The following GRIK2 variants were observed in gnomAD, a reference collection of about 807,000 sequenced individuals.
The protein encoded by GRIK2 is glutamate ionotropic receptor kainate type subunit 2.
In GRIK2, 32 loss-of-function variants were observed where a neutral mutation model predicts 100.3. The ratio of observed to expected loss-of-function variants is 0.32; its 90% CI spans 0.24 to 0.43. The LOEUF (loss-of-function observed/expected upper bound fraction) is 0.43. Ranked by LOEUF, GRIK2 falls within the 20% of genes least tolerant of loss-of-function variation. GRIK2 has a pLI of 1.00. For missense variants in GRIK2, 843 were observed against 1,114.9 expected, an observed-to-expected ratio of 0.76 and a Z score of 3.47; for synonymous variants, 417 against 389.4, an observed-to-expected ratio of 1.07 and a Z score of -0.83.
At chr6:101,703,435 T>A (rs2852569) in intron 7 of GRIK2, among the ~76,000 whole-genome samples, 136,790 of 151,760 alleles carry the variant, frequency 0.9, 61,695 homozygotes, top group South Asian at 0.93. Flanking sequence ...CTGCTTAATT[T>A]TGGTAAGCTT....
chr6:101,667,057 GA>G (rs1770084913), intron 4 of GRIK2, among the ~76,000 whole-genome samples: 1 of 152,154 alleles, frequency 6.6e-6, no homozygotes. Context: ...TTGTTCAGGA[GA>G]GAGTTAATGA....
chr6:101,764,503 G>C (rs1777924577), intron 7 of GRIK2, among the ~76,000 whole-genome samples: 1 of 152,110 alleles, frequency 6.6e-6, no homozygotes, highest in Non-Finnish European at 1.5e-5. Context: ...AGCAAGGTGA[G>C]AGAATGAAGA....
intron 7 of GRIK2, among the ~76,000 whole-genome samples, chr6:101,795,866 A>G (rs927766927): frequency 1.3e-5 from 2 of 152,226 alleles, no homozygotes; most frequent in Non-Finnish European, 2.9e-5. Flanking sequence ...GGCAATCTCC[A>G]TGCCCCAGGT....
intron 12 of GRIK2, among the ~76,000 whole-genome samples, chr6:101,908,113 G>A (rs1788370777): frequency 6.6e-6 from 1 of 151,386 alleles, no homozygotes; most frequent in African/African-American, 2.4e-5. Context: ...TTCTGTCCGA[G>A]CTGTCATTTA....
intron 2 of GRIK2, among the ~76,000 whole-genome samples, chr6:101,528,768 C>A (rs943553548): frequency 6.6e-6 from 1 of 152,114 alleles, no homozygotes; most frequent in Non-Finnish European, 1.5e-5. Context: ...ACCAAATCTG[C>A]TTCCTAATTA....
At chr6:102,043,152 TA>T (rs936133668) in intron 15 of GRIK2, among the ~76,000 whole-genome samples, 2 of 151,792 alleles carry the variant, frequency 1.3e-5, no homozygotes, top group Non-Finnish European at 2.9e-5. Flanking sequence ...TTATATTATT[TA>T]AAAAAATTTT....
intron 13 of GRIK2, among the ~76,000 whole-genome samples, chr6:101,925,645 A>G (rs1166699304): frequency 6.6e-6 from 1 of 152,000 alleles, no homozygotes; most frequent in African/African-American, 2.4e-5. Flanking sequence ...ACTGACAGTA[A>G]AGGAAGAAAA....
intron 2 of GRIK2, among the ~76,000 whole-genome samples, chr6:101,405,723 T>C (rs1229938927): frequency 1.3e-5 from 2 of 152,200 alleles, no homozygotes; most frequent in East Asian, 3.8e-4. Context: ...TGCTTAACAT[T>C]GGGAACATTG....
chr6:101,956,167 T>G (rs1341499496), intron 14 of GRIK2, among the ~76,000 whole-genome samples: 1 of 152,148 alleles, frequency 6.6e-6, no homozygotes, highest in Non-Finnish European at 1.5e-5. Flanking sequence ...TAACGCATTT[T>G]AAATTTCCAT....
At chr6:101,827,499 A>C (rs1782412930) in intron 10 of GRIK2, among the ~76,000 whole-genome samples, 1 of 151,372 alleles carries the variant, frequency 6.6e-6, no homozygotes, top group Non-Finnish European at 1.5e-5. Flanking sequence ...AAAAAAAACC[A>C]ATATCAGTCT....
chr6:102,040,503 T>TAAAC (rs1770506751), intron 15 of GRIK2, among the ~76,000 whole-genome samples: 1 of 151,570 alleles, frequency 6.6e-6, no homozygotes, highest in South Asian at 2.1e-4. Flanking sequence ...CTTTGACATA[T>TAAAC]AAACAAAATG....
At chr6:101,949,957 T>C (rs978158134) in intron 14 of GRIK2, among the ~76,000 whole-genome samples, 1 of 152,110 alleles carries the variant, frequency 6.6e-6, no homozygotes, top group Non-Finnish European at 1.5e-5. Flanking sequence ...TTTGAAAATA[T>C]TATATGTCTC....
chr6:101,566,369 A>G (rs530169539), intron 2 of GRIK2, among the ~76,000 whole-genome samples: 1 of 152,222 alleles, frequency 6.6e-6, no homozygotes, highest in African/African-American at 2.4e-5. Flanking sequence ...AGGGAATACT[A>G]TGTGGAAAGA....
chr6:101,568,191 T>C (rs1777372360), intron 2 of GRIK2, among the ~76,000 whole-genome samples: 1 of 151,992 alleles, frequency 6.6e-6, no homozygotes, highest in South Asian at 2.1e-4. Flanking sequence ...TTTCACATCA[T>C]TTTTTCATTT....
intron 14 of GRIK2, among the ~76,000 whole-genome samples, chr6:102,023,839 T>C (rs1487794062): frequency 6.6e-6 from 1 of 151,406 alleles, no homozygotes; most frequent in East Asian, 2.0e-4. Context: ...GTTTAAGATA[T>C]TGGCAAAAGT....
rs145569171 is a variant in GRIK2, at chr6:102,029,805, A to G, written c.2086-5536A>G. Reference sequence around the variant, plus strand: ...AGGTACAGTTGACCTCAATAAAATAATAAAAACTGTATATATTTACAGTGT... The same window carrying G: ...AGGTACAGTTGACCTCAATAAAATAGTAAAAACTGTATATATTTACAGTGT... On this transcript the variant is annotated intron_variant, in intron 14 of 16. Coordinates refer to ENST00000369134, the MANE Select transcript of GRIK2 (RefSeq NM_021956.5). Among the ~76,000 whole-genome samples, 776 of 151,282 alleles carry G rather than the reference A, an allele frequency of 5.1e-3. 7 individuals are homozygous for G. The highest frequency in any genetic ancestry group is 0.018 in the African/African-American group (742 of 41,402).
intron 10 of GRIK2, among the ~76,000 whole-genome samples, chr6:101,820,456 CCTT>C (rs144034200): frequency 0.064 from 9,786 of 152,048 alleles, 337 homozygotes; most frequent in African/African-American, 0.089. Context: ...TTCTCCTCCT[CCTT>C]CTTCTTCGAT....
At position 101,519,300 on chromosome 6, in the gene GRIK2, CGTGTGTGTGTGT is replaced by C. The variant is rs55646921; in HGVS notation, c.116-102614_116-102603del. Reference sequence around the variant, plus strand: ...CCTAATGGCGCATTGCGGAGTTAAACGTGTGTGTGTGTGTGTGTGTGTGTGTGTGTGTGTGTG... The same window carrying C: ...CCTAATGGCGCATTGCGGAGTTAAACGTGTGTGTGTGTGTGTGTGTGTGTG... On this transcript the variant is annotated intron_variant, in intron 2 of 16. Transcript: ENST00000369134. Among the ~76,000 whole-genome samples, 1,410 of 141,054 alleles carry C rather than the reference CGTGTGTGTGTGT, an allele frequency of 1.0e-2. 15 individuals carry two copies. Among genetic ancestry groups the C allele is most frequent in the African/African-American group, 0.033 (1,278 of 38,770 alleles). The allele number at this position is 141,054 out of a possible 152,430, so 92.5% of individuals were successfully genotyped here.
chr6:101,532,626 A>T (rs1400971838), intron 2 of GRIK2, among the ~76,000 whole-genome samples: 1 of 151,580 alleles, frequency 6.6e-6, no homozygotes, highest in African/African-American at 2.4e-5. Context: ...AAGTTTAATG[A>T]ATAAGATACT....
Sources: gnomAD v4.1 joint callset for allele counts (sites outside exome capture counted in the v4.1 genomes callset) on GRCh38, gnomAD v4.1.1 for gene constraint, MANE v1.5 for transcripts, NCBI Gene and HGNC (gene_info 2026-07-23, HGNC 2026-07-21) for gene names.